Variants in DLG2 observed in about 807,000 individuals in gnomAD.
DLG2 encodes disks large homolog 2.
Under a neutral mutation model 132.5 loss-of-function variants are expected in DLG2, and 45 were observed. The ratio of observed to expected loss-of-function variants is 0.34; its 90% CI spans 0.27 to 0.44. DLG2 has a LOEUF of 0.44. Among genes scored for constraint, DLG2 ranks in the 20% least tolerant of loss-of-function variants. The pLI is 1.00. For synonymous variants in DLG2, 424 were observed against 419.6 expected, an observed-to-expected ratio of 1.01 and a Z score of -0.13; for missense variants, 1,045 against 1,196.9, an observed-to-expected ratio of 0.87 and a Z score of 1.87.
chr11:85,051,162 C>T (rs543855988), intron 6 of DLG2, among the ~76,000 whole-genome samples: 3 of 152,208 alleles, frequency 2.0e-5, no homozygotes, highest in African/African-American at 7.2e-5. Flanking sequence ...GTCAATAGTG[C>T]CTCAGAACTT....
intron 3 of DLG2, among the ~76,000 whole-genome samples, chr11:85,391,924 G>A (rs934367075): frequency 6.6e-6 from 1 of 152,034 alleles, no homozygotes; most frequent in African/African-American, 2.4e-5. Flanking sequence ...CATAGTACTA[G>A]AAGCCCTAGC....
At chr11:84,097,967 G>A (rs2097188465) in intron 10 of DLG2, among the ~76,000 whole-genome samples, 1 of 150,206 alleles carries the variant, frequency 6.7e-6, no homozygotes, top group Non-Finnish European at 1.5e-5. Context: ...AGCTCAAGCA[G>A]CTACTACTCT....
At position 83,532,729 on chromosome 11, in the gene DLG2, A is replaced by G. The variant is rs1163605876; in HGVS notation, c.2172T>C (p.Pro724=). The G allele has an allele frequency of 6.2e-7, 1 of 1,613,218 alleles. No homozygotes were observed. The highest frequency in any genetic ancestry group is 2.2e-5 in the East Asian group (1 of 44,834). The change falls in exon 21 of 28, where the codon CCT becomes CCC. Residue 724 remains proline, a synonymous_variant. Coordinates refer to ENST00000376104, the MANE Select transcript of DLG2 (RefSeq NM_001142699.3). The part of the protein sequence containing the change: ...RLKTVKFNAK[P]GVIDSKGSFN... ...CTACCCCTTTCGAATCAATCACTCC[A>G]GGTTTGGCATTAAACTTCACTGTCT...
At chr11:84,917,594 T>C (rs190708092) in intron 6 of DLG2, among the ~76,000 whole-genome samples, 1 of 152,288 alleles carries the variant, frequency 6.6e-6, no homozygotes, top group East Asian at 1.9e-4. Context: ...TTGGGAAGCA[T>C]TTTGAGAAAA....
At chr11:85,172,365 C>T (rs926463830) in intron 4 of DLG2, among the ~76,000 whole-genome samples, 9 of 152,172 alleles carry the variant, frequency 5.9e-5, no homozygotes, top group African/African-American at 1.9e-4. Context: ...ACTGCAGCAG[C>T]TCTACAGAAG....
intron 22 of DLG2, among the ~76,000 whole-genome samples, chr11:83,478,475 C>T (rs11233630): frequency 6.6e-6 from 1 of 151,992 alleles, no homozygotes; most frequent in Non-Finnish European, 1.5e-5. Flanking sequence ...TTATGTGCAA[C>T]TAGTATTTAG....
intron 6 of DLG2, among the ~76,000 whole-genome samples, chr11:84,846,060 G>A (rs1414810843): frequency 6.6e-6 from 1 of 151,862 alleles, no homozygotes; most frequent in Admixed American, 6.6e-5. Flanking sequence ...TTAAAAGTTG[G>A]AGTTTTCTAG....
intron 4 of DLG2, among the ~76,000 whole-genome samples, chr11:85,222,044 T>C (rs564006971): frequency 6.6e-6 from 1 of 152,132 alleles, no homozygotes; most frequent in South Asian, 2.1e-4. Context: ...TTCAAGCTAT[T>C]CTCCCACCTC....
At chr11:84,246,771 T>C (rs1414796323) in intron 8 of DLG2, among the ~76,000 whole-genome samples, 1 of 152,144 alleles carries the variant, frequency 6.6e-6, no homozygotes, top group Non-Finnish European at 1.5e-5. Flanking sequence ...CACCAGGAGA[T>C]TTGGAATGTG....
At chr11:84,022,540 G>A (rs1169147068) in intron 11 of DLG2, among the ~76,000 whole-genome samples, 1 of 152,202 alleles carries the variant, frequency 6.6e-6, no homozygotes, top group African/African-American at 2.4e-5. Flanking sequence ...TCAGCTGCTA[G>A]CAGGAGAGGA....
chr11:83,602,602 T>A (rs1594281505), intron 19 of DLG2, among the ~76,000 whole-genome samples: 1 of 152,300 alleles, frequency 6.6e-6, no homozygotes, highest in East Asian at 1.9e-4. Flanking sequence ...GCAGACTGAA[T>A]CTGAATTTCA....
At chr11:84,524,691 T>C (rs954635248) in intron 7 of DLG2, among the ~76,000 whole-genome samples, 1 of 152,194 alleles carries the variant, frequency 6.6e-6, no homozygotes, top group Non-Finnish European at 1.5e-5. Context: ...TTTTACACTT[T>C]TAAAGATTAT....
chr11:85,325,390 G>C (rs1325270346), intron 3 of DLG2, among the ~76,000 whole-genome samples: 2 of 149,140 alleles, frequency 1.3e-5, no homozygotes, highest in South Asian at 2.1e-4. Context: ...GCTTTGAAGA[G>C]AGCAGTGGTT....
chr11:83,918,290 T>G (rs2154118312), intron 15 of DLG2, among the ~76,000 whole-genome samples: 1 of 152,250 alleles, frequency 6.6e-6, no homozygotes, highest in African/African-American at 2.4e-5. Context: ...GGAGCTATGA[T>G]TTACAGCAGA....
At chr11:84,075,739 T>G (rs1022069727) in intron 10 of DLG2, among the ~76,000 whole-genome samples, 4 of 152,240 alleles carry the variant, frequency 2.6e-5, no homozygotes, top group Admixed American at 2.6e-4. Flanking sequence ...CAGCTATTAC[T>G]GTTTATGTAA....
intron 18 of DLG2, among the ~76,000 whole-genome samples, chr11:83,757,375 C>T (rs888597212): frequency 5.3e-5 from 8 of 152,178 alleles, no homozygotes; most frequent in African/African-American, 1.9e-4. Flanking sequence ...TGTTTACATT[C>T]TGAAACTTTT....
At chr11:85,300,926 C>T (rs889981704) in intron 3 of DLG2, among the ~76,000 whole-genome samples, 2 of 152,004 alleles carry the variant, frequency 1.3e-5, no homozygotes, top group Non-Finnish European at 2.9e-5. Flanking sequence ...AGAGACTGGC[C>T]GCGGTGACTC....
At chr11:84,846,614 C>T (rs546693786) in intron 6 of DLG2, among the ~76,000 whole-genome samples, 3 of 152,254 alleles carry the variant, frequency 2.0e-5, no homozygotes, top group Admixed American at 6.5e-5. Context: ...GAAGTTATAA[C>T]GTGTGGTAGC....
At chr11:83,906,282 C>G (rs1214876748) in intron 15 of DLG2, among the ~76,000 whole-genome samples, 3,116 of 134,008 alleles carry the variant, frequency 0.023, 161 homozygotes, top group African/African-American at 0.047. Flanking sequence ...CACACACACA[C>G]ACACACACAC....
Sources: allele counts gnomAD v4.1 joint callset (sites outside exome capture counted in the v4.1 genomes callset), GRCh38; gene constraint gnomAD v4.1.1; transcripts MANE v1.5; gene names NCBI Gene and HGNC (gene_info 2026-07-23, HGNC 2026-07-21).